The following ZFPM2 variants were observed in gnomAD, a reference collection of about 807,000 sequenced individuals.
ZFPM2 encodes the protein zinc finger protein, FOG family member 2, also known as zinc finger protein ZFPM2.
ZFPM2 carries 20 observed loss-of-function variants against 98.6 expected under a neutral mutation model. The observed-to-expected ratio is 0.20, with a 90% CI of 0.14 to 0.29. The LOEUF (loss-of-function observed/expected upper bound fraction) is 0.29, where lower values mean the gene tolerates loss of function less well. ZFPM2 is among the 10% of genes least tolerant of loss of function. ZFPM2 has a pLI of 1.00. For missense variants in ZFPM2, 1,310 were observed against 1,388.6 expected, an observed-to-expected ratio of 0.94 and a Z score of 0.90; for synonymous variants, 518 against 502.7, an observed-to-expected ratio of 1.03 and a Z score of -0.41.
At chr8:105,339,834 T>C (rs1482020217) in intron 1 of ZFPM2, among the ~76,000 whole-genome samples, 2 of 151,950 alleles carry the variant, frequency 1.3e-5, no homozygotes, top group African/African-American at 4.8e-5. Context: ...ACAATATTCT[T>C]TTAGTCCAAA....
At position 105,524,302 on chromosome 8, in the gene ZFPM2, T is replaced by G. The variant is rs764879430; in HGVS notation, c.302-37061T>G. Among the ~76,000 whole-genome samples, 5 of 152,240 alleles carry G rather than the reference T, an allele frequency of 3.3e-5. No individual in the cohort carries two copies. The South Asian group carries it at 8.3e-4, about 25-fold the overall frequency. ...TGTAAGAGGAGAAGGTCTTTGATTC[T>G]CAATGGTATCCTTAGTACCAACATT... On this transcript the variant is annotated intron_variant, in intron 3 of 7. Coordinates refer to ENST00000407775, the MANE Select transcript of ZFPM2 (RefSeq NM_012082.4).
At chr8:105,576,186 G>A (rs1198776493) in intron 4 of ZFPM2, among the ~76,000 whole-genome samples, 1 of 152,120 alleles carries the variant, frequency 6.6e-6, no homozygotes, top group East Asian at 1.9e-4. Context: ...TATACGCAGA[G>A]CAATTAGTAA....
intron 5 of ZFPM2, among the ~76,000 whole-genome samples, chr8:105,749,784 G>C (rs1248073306): frequency 6.6e-6 from 1 of 151,974 alleles, no homozygotes; most frequent in Non-Finnish European, 1.5e-5. Flanking sequence ...GGATAAGAAA[G>C]AGGAAAGAAG....
chr8:105,759,451 C>T (rs549443063), intron 5 of ZFPM2, among the ~76,000 whole-genome samples: 1 of 152,138 alleles, frequency 6.6e-6, no homozygotes, highest in Non-Finnish European at 1.5e-5. Flanking sequence ...TGAGCCAGCT[C>T]AAATCCCATC....
At chr8:105,601,566 A>C (rs935334930) in intron 4 of ZFPM2, among the ~76,000 whole-genome samples, 1 of 152,104 alleles carries the variant, frequency 6.6e-6, no homozygotes, top group Non-Finnish European at 1.5e-5. Context: ...AATTCTTCTA[A>C]AAGTAGAGAT....
intron 4 of ZFPM2, among the ~76,000 whole-genome samples, chr8:105,588,787 G>A (rs147792804): frequency 1.3e-5 from 2 of 152,316 alleles, no homozygotes; most frequent in East Asian, 3.9e-4. Context: ...TCACAGGCAG[G>A]ATGCCATTTA....
chr8:105,655,381 G>A (rs543871241), intron 5 of ZFPM2, among the ~76,000 whole-genome samples: 41 of 151,828 alleles, frequency 2.7e-4, no homozygotes, highest in Admixed American at 2.5e-3. Flanking sequence ...ACAGGCATGC[G>A]CCACCACGCC....
chr8:105,635,103 T>C (rs1227452630), intron 5 of ZFPM2, among the ~76,000 whole-genome samples: 1 of 152,186 alleles, frequency 6.6e-6, no homozygotes, highest in Admixed American at 6.6e-5. Context: ...CTCTGTACTC[T>C]TACAGTATAA....
At chr8:105,430,487 A>G (rs999512603) in intron 2 of ZFPM2, among the ~76,000 whole-genome samples, 3 of 152,220 alleles carry the variant, frequency 2.0e-5, no homozygotes, top group Non-Finnish European at 4.4e-5. Context: ...CTTTGCCTAA[A>G]GAGACCACAG....
At chr8:105,505,298 A>T (rs1226534908) in intron 3 of ZFPM2, among the ~76,000 whole-genome samples, 4 of 152,192 alleles carry the variant, frequency 2.6e-5, no homozygotes, top group African/African-American at 4.8e-5. Context: ...TAGTAGTAAT[A>T]GTATTAATAG....
chr8:105,750,282 A>G (rs1206233235), intron 5 of ZFPM2, among the ~76,000 whole-genome samples: 1 of 152,010 alleles, frequency 6.6e-6, no homozygotes, highest in East Asian at 1.9e-4. Flanking sequence ...ACGTATCTAT[A>G]CTTTATAGTT....
At chr8:105,527,835 A>T (rs1000985996) in intron 3 of ZFPM2, among the ~76,000 whole-genome samples, 5 of 152,206 alleles carry the variant, frequency 3.3e-5, no homozygotes, top group Admixed American at 2.6e-4. Context: ...AAAGTGTGGC[A>T]TCTTATGGAA....
At chr8:105,759,813 AGAG>A (rs1221628762) in intron 5 of ZFPM2, among the ~76,000 whole-genome samples, 2 of 151,908 alleles carry the variant, frequency 1.3e-5, no homozygotes, top group African/African-American at 2.4e-5. Flanking sequence ...GTGCATGCAA[AGAG>A]GAGGCCTCCT....
At position 105,380,718 on chromosome 8, in the gene ZFPM2, TTA is replaced by T. The variant is rs1208195983; in HGVS notation, c.41-38419_41-38418del. 7.6e-5 allele frequency among the ~76,000 whole-genome samples: 3 copies of T among 39,452 alleles called. 1 individual carries two copies. Among genetic ancestry groups the T allele is most frequent in the South Asian group, 1.3e-3 (2 of 1,568 alleles). The allele number at this position is 39,452 out of a possible 152,430, so 25.9% of individuals were successfully genotyped here. On this transcript the variant is annotated intron_variant, in intron 1 of 7. Coordinates refer to ENST00000407775, the MANE Select transcript of ZFPM2 (RefSeq NM_012082.4). Reference sequence around the variant, plus strand: ...ATAACATATATAATATATATATATATTATATATAACATATATATTATATATAT... The same window carrying T: ...ATAACATATATAATATATATATATATTATATAACATATATATTATATATAT...
intron 4 of ZFPM2, among the ~76,000 whole-genome samples, chr8:105,588,852 G>A (rs1181553524): frequency 6.6e-6 from 1 of 152,160 alleles, no homozygotes; most frequent in Non-Finnish European, 1.5e-5. Flanking sequence ...CCAGTTAGGG[G>A]GCAAGTTTAG....
At chr8:105,593,950 C>T (rs962515639) in intron 4 of ZFPM2, among the ~76,000 whole-genome samples, 1 of 152,076 alleles carries the variant, frequency 6.6e-6, no homozygotes, top group African/African-American at 2.4e-5. Flanking sequence ...GTCATTATGG[C>T]CTGGAGTCTT....
At chr8:105,473,049 C>T (rs1335883560) in intron 3 of ZFPM2, among the ~76,000 whole-genome samples, 1 of 152,044 alleles carries the variant, frequency 6.6e-6, no homozygotes, top group Non-Finnish European at 1.5e-5. Flanking sequence ...CACACACCAC[C>T]ATGCCTAGAT....
At chr8:105,620,972 T>C (rs1224319583) in intron 4 of ZFPM2, among the ~76,000 whole-genome samples, 1 of 152,194 alleles carries the variant, frequency 6.6e-6, no homozygotes, top group Non-Finnish European at 1.5e-5. Context: ...GCGTGATGCC[T>C]CCAGCTTTGT....
At chr8:105,352,712 T>C (rs1812671643) in intron 1 of ZFPM2, among the ~76,000 whole-genome samples, 1 of 152,180 alleles carries the variant, frequency 6.6e-6, no homozygotes, top group Non-Finnish European at 1.5e-5. Flanking sequence ...TCCATAAATA[T>C]TGCCATGAGA....
Sources: allele counts gnomAD v4.1 joint callset (sites outside exome capture counted in the v4.1 genomes callset), GRCh38; gene constraint gnomAD v4.1.1; transcripts MANE v1.5; gene names NCBI Gene and HGNC (gene_info 2026-07-23, HGNC 2026-07-21).